Variants in SMAP1 observed in about 807,000 individuals in gnomAD.
SMAP1 encodes small ArfGAP 1.
A neutral mutation model predicts 58.5 loss-of-function variants in SMAP1; 24 were observed. The observed-to-expected ratio is 0.41, with a 90% CI of 0.30 to 0.58. SMAP1 has a LOEUF of 0.58. Among genes scored for constraint, SMAP1 ranks in the 20% least tolerant of loss-of-function variants. SMAP1 has a pLI of 0.29. For missense variants in SMAP1, 563 were observed against 566.3 expected (o/e 0.99, Z 0.06); for synonymous variants, 216 against 196.6 (o/e 1.10, Z -0.82).
At chr6:70,821,655 G>A (rs1169577874) in intron 6 of SMAP1, among the ~76,000 whole-genome samples, 1 of 152,146 alleles carries the variant, frequency 6.6e-6, no homozygotes, top group East Asian at 1.9e-4. Context: ...TTTAAAAAGA[G>A]CGAATTGAAT....
At chr6:70,770,742 C>G (rs533836931) in intron 3 of SMAP1, among the ~76,000 whole-genome samples, 2 of 152,300 alleles carry the variant, frequency 1.3e-5, no homozygotes, top group South Asian at 2.1e-4. Context: ...GCCTTTTTCT[C>G]TCAACTTGTC....
chr6:70,791,124 A>G (rs1768332068), intron 4 of SMAP1, among the ~76,000 whole-genome samples: 1 of 152,352 alleles, frequency 6.6e-6, no homozygotes, highest in Middle Eastern at 3.4e-3. Flanking sequence ...AAATTGCTTT[A>G]TAATAAGTCT....
chr6:70,755,422 T>C (rs566947342), intron 3 of SMAP1, among the ~76,000 whole-genome samples: 1 of 152,066 alleles, frequency 6.6e-6, no homozygotes, highest in Non-Finnish European at 1.5e-5. Flanking sequence ...CATTCTGTTT[T>C]CACATTCAGT....
intron 6 of SMAP1, among the ~76,000 whole-genome samples, chr6:70,803,800 T>G (rs184539991): frequency 5.1e-4 from 77 of 152,346 alleles, no homozygotes; most frequent in African/African-American, 1.6e-3. Context: ...GATGTGCAGT[T>G]TTGAATGAGT....
chr6:70,809,674 G>T (rs1769301401), intron 6 of SMAP1, among the ~76,000 whole-genome samples: 1 of 152,090 alleles, frequency 6.6e-6, no homozygotes, highest in Non-Finnish European at 1.5e-5. Flanking sequence ...TTTAGAACAA[G>T]ATATTTTCAA....
intron 1 of SMAP1, among the ~76,000 whole-genome samples, chr6:70,714,165 C>CT (rs201495645): frequency 1.5e-4 from 22 of 149,080 alleles, no homozygotes; most frequent in Admixed American, 3.3e-4. Flanking sequence ...ATAGTTGGAT[C>CT]TTTTTTTTTT....
intron 3 of SMAP1, chr6:70,759,982 G>C: frequency 6.2e-6 from 2 of 320,980 alleles, no homozygotes; most frequent in South Asian, 5.2e-5. Flanking sequence ...TTCTTTTGTG[G>C]GGAGTGGGGT....
At chr6:70,792,662 T>C (rs1441636282) in intron 5 of SMAP1, among the ~76,000 whole-genome samples, 2 of 152,100 alleles carry the variant, frequency 1.3e-5, no homozygotes, top group Non-Finnish European at 2.9e-5. Flanking sequence ...GAAACTAGCC[T>C]GTGAAAAAAC....
At chr6:70,801,384 GT>G (rs1768847199) in intron 6 of SMAP1, among the ~76,000 whole-genome samples, 1 of 151,946 alleles carries the variant, frequency 6.6e-6, no homozygotes, top group Non-Finnish European at 1.5e-5. Context: ...TTGTAAGTTT[GT>G]TTAAGTTCTT....
At chr6:70,800,567 G>T (rs1016475439) in intron 6 of SMAP1, among the ~76,000 whole-genome samples, 1 of 152,014 alleles carries the variant, frequency 6.6e-6, no homozygotes, top group African/African-American at 2.4e-5. Flanking sequence ...TGCACAGTGT[G>T]CCGGTTTGTT....
chr6:70,702,595 C>G (rs917036307), intron 1 of SMAP1, among the ~76,000 whole-genome samples: 1 of 151,590 alleles, frequency 6.6e-6, no homozygotes, highest in African/African-American at 2.4e-5. Flanking sequence ...TGCCTCATGC[C>G]TCTTCTTCAC....
intron 4 of SMAP1, among the ~76,000 whole-genome samples, chr6:70,776,337 C>G (rs776639738): frequency 6.6e-6 from 1 of 152,094 alleles, no homozygotes; most frequent in African/African-American, 2.4e-5. Flanking sequence ...CGTGCTACCA[C>G]GCCCAGCTAA....
At chr6:70,814,585 C>A (rs79973285) in intron 6 of SMAP1, among the ~76,000 whole-genome samples, 4,561 of 152,140 alleles carry the variant, frequency 0.03, 144 homozygotes, top group South Asian at 0.11. Flanking sequence ...CCTATTGTTT[C>A]CTTTCGTCTG....
intron 10 of SMAP1, chr6:70,858,465 C>T (rs1232451789): frequency 2.7e-6 from 1 of 374,120 alleles, no homozygotes. Context: ...GGTTAAACAT[C>T]TTTCATTTCA....
rs768766056 is a variant in SMAP1, at chr6:70,773,442, T to A, written c.414+17T>A. 4 of 1,427,738 alleles carry A rather than the reference T, an allele frequency of 2.8e-6. No homozygotes were observed. In the East Asian group the frequency reaches 9.2e-5, roughly 33 times the overall value. 88.4% of individuals were successfully genotyped at this position (1,427,738 alleles called of 1,614,324 possible). On this transcript the variant is annotated intron_variant, in intron 4 of 10. Transcript: ENST00000370455. Reference sequence around the variant, plus strand: ...ATTACAAATGTAAGTAAAACCTTCATCTCTCATCAATTGTTTGTTGACTAG... The same window carrying A: ...ATTACAAATGTAAGTAAAACCTTCAACTCTCATCAATTGTTTGTTGACTAG...
chr6:70,702,319 T>C (rs1266985857), intron 1 of SMAP1, among the ~76,000 whole-genome samples: 2 of 152,064 alleles, frequency 1.3e-5, no homozygotes, highest in African/African-American at 4.8e-5. Context: ...ACCTCTTAAT[T>C]TGGGAATTCC....
intron 5 of SMAP1, among the ~76,000 whole-genome samples, chr6:70,794,788 CT>C (rs34050089): frequency 0.4 from 45,549 of 114,466 alleles, 6,652 homozygotes; most frequent in African/African-American, 0.45. Context: ...ATTTTCTTTT[CT>C]TTTTTTTTTT....
At chr6:70,810,940 T>C (rs1439257722) in intron 6 of SMAP1, among the ~76,000 whole-genome samples, 1 of 152,064 alleles carries the variant, frequency 6.6e-6, no homozygotes, top group Non-Finnish European at 1.5e-5. Flanking sequence ...ACAGTAAGAC[T>C]CTACTTAAAG....
In SMAP1 at chr6:70,751,373, A is replaced by G. The variant is rs150106008; in HGVS notation, c.253-3607A>G. On this transcript the variant is annotated intron_variant, in intron 2 of 10. Coordinates refer to ENST00000370455, the MANE Select transcript of SMAP1 (RefSeq NM_001044305.3). ...AGTTTGTATTCAATAGATTCTTACA[A>G]TCATTTCTTACTTTGTCAAGAATAT... is the stretch of plus-strand genomic sequence containing the variant. Among the ~76,000 whole-genome samples, 61 of 152,332 alleles carry G rather than the reference A, an allele frequency of 4.0e-4. No homozygotes were observed. In the East Asian group the frequency reaches 0.01, roughly 26 times the overall value.
Sources: gnomAD v4.1 joint callset for allele counts (sites outside exome capture counted in the v4.1 genomes callset) on GRCh38, gnomAD v4.1.1 for gene constraint, MANE v1.5 for transcripts, NCBI Gene and HGNC (gene_info 2026-07-23, HGNC 2026-07-21) for gene names.